Variants in RANBP3 observed in about 807,000 individuals in gnomAD.
RANBP3 encodes ran-binding protein 3.
RANBP3 carries 14 observed loss-of-function variants against 77.3 expected under a neutral mutation model. That is an observed-to-expected ratio of 0.18 (90% CI 0.12 to 0.28). RANBP3 has a LOEUF of 0.28. Ranked by LOEUF, RANBP3 falls within the 10% of genes least tolerant of loss-of-function variation. The probability of loss-of-function intolerance (pLI) is 1.00; values close to 1 mark genes in which losing one functional copy is unlikely to be tolerated. For missense variants in RANBP3, 586 were observed against 752.3 expected, an observed-to-expected ratio of 0.78 and a Z score of 2.59; for synonymous variants, 315 against 312.4, an observed-to-expected ratio of 1.01 and a Z score of -0.09.
rs1466838325 is a variant in RANBP3 at position 5,917,501 on chromosome 19, T to G, written c.*109A>C. On this transcript the variant is annotated 3_prime_UTR_variant, in exon 17 of 17. Transcript: ENST00000340578. Reference sequence around the variant, plus strand: ...CCAGACTGTGGCCGGCCCAGTGGGGTGTGTGGTTCCCGGCCCCGCACCTGG... The same window carrying G: ...CCAGACTGTGGCCGGCCCAGTGGGGGGTGTGGTTCCCGGCCCCGCACCTGG... 1.6e-6 allele frequency: 2 copies of G among 1,253,876 alleles called. No individual in the cohort carries two copies. Among genetic ancestry groups the G allele is most frequent in the African/African-American group, 1.5e-5 (1 of 64,732 alleles). 77.7% of individuals were successfully genotyped at this position (1,253,876 alleles called of 1,614,324 possible).
At chr19:5,937,776 G>A (rs2058085438) in intron 5 of RANBP3, among the ~76,000 whole-genome samples, 2 of 152,180 alleles carry the variant, frequency 1.3e-5, no homozygotes, top group African/African-American at 2.4e-5. Context: ...CCCTGCTCGA[G>A]GCTGGAGGGG....
chr19:5,954,635 CG>C (rs2058314315), intron 2 of RANBP3, among the ~76,000 whole-genome samples: 1 of 151,802 alleles, frequency 6.6e-6, no homozygotes, highest in East Asian at 1.9e-4. Context: ...AAGGGTGGGG[CG>C]GGGGGAACCT....
At chr19:5,918,143 G>C (rs1446155122) in intron 15 of RANBP3, among the ~76,000 whole-genome samples, 163 bp from the exon 16 acceptor site, 1 of 152,218 alleles carries the variant, frequency 6.6e-6, no homozygotes, top group Admixed American at 6.5e-5. Flanking sequence ...CCGAAAGGAT[G>C]CCACCACTCC....
chr19:5,925,602 G>A (rs2057895027), intron 10 of RANBP3, 32 bp downstream of exon 10: 2 of 1,593,250 alleles, frequency 1.3e-6, no homozygotes, highest in South Asian at 2.2e-5. Flanking sequence ...GCATCGCCAT[G>A]CCAGGCTGGC....
intron 9 of RANBP3, 133 bp downstream of exon 9, chr19:5,927,835 T>C (rs1012447475): frequency 5.9e-6 from 7 of 1,192,294 alleles, no homozygotes; most frequent in African/African-American, 4.7e-5. Flanking sequence ...CCGTGAGCCA[T>C]GGGGCTGCCT....
intron 5 of RANBP3, chr19:5,935,978 C>A: frequency 3.1e-6 from 1 of 325,094 alleles, no homozygotes. Context: ...GGAAGAGGAC[C>A]CCTCCCGCCG....
chr19:5,940,490 T>A (rs1043403912), intron 5 of RANBP3, among the ~76,000 whole-genome samples: 2 of 152,156 alleles, frequency 1.3e-5, no homozygotes, highest in East Asian at 3.8e-4. Context: ...CTGGAAAACC[T>A]AATGCAGCTG....
At chr19:5,926,898 G>T (rs1231260235) in intron 9 of RANBP3, among the ~76,000 whole-genome samples, 1 of 152,188 alleles carries the variant, frequency 6.6e-6, no homozygotes, top group Non-Finnish European at 1.5e-5. Context: ...ACACAAGCCG[G>T]TGCTTTCTGC....
At chr19:5,948,366 G>C (rs1362777748) in intron 3 of RANBP3, among the ~76,000 whole-genome samples, 1 of 151,950 alleles carries the variant, frequency 6.6e-6, no homozygotes, top group Non-Finnish European at 1.5e-5. Context: ...GCAGGAGAAC[G>C]GCGTGAACCC....
intron 6 of RANBP3, chr19:5,932,753 A>G: frequency 1.7e-6 from 1 of 571,800 alleles, no homozygotes; most frequent in South Asian, 2.1e-5. Context: ...TGAAACTCCC[A>G]GTGACCGACG....
rs188045006 is a variant in RANBP3 at position 5,918,573 on chromosome 19, C to T, written c.1396G>A (p.Asp466Asn). The change falls in exon 15 of 17, where the codon GAC (aspartate) becomes AAC (asparagine). Residue 466 changes from aspartate (D) to asparagine (N), a missense_variant. Asp to Asn is a conservative substitution (Grantham distance 23, BLOSUM62 1). This residue lies in a region of RANBP3 where 128 missense variants were observed against 157.0 expected (regional missense o/e 0.82). Coordinates refer to ENST00000340578, the MANE Select transcript of RANBP3 (RefSeq NM_007322.3). ...NTKLWAQMQI[D>N]KASEKSIRIT... ...CGAATGCTCTTCTCGCTGGCCTTGT[C>T]GATCTGCATCTGGGCCCACAGCTTG... The T allele has an allele frequency of 1.3e-5, 21 of 1,613,802 alleles. No individual in the cohort carries two copies. The Admixed American group carries it at 2.2e-4, about 17-fold the overall frequency.
chr19:5,964,317 C>G (rs953238282), intron 1 of RANBP3, among the ~76,000 whole-genome samples: 2 of 152,180 alleles, frequency 1.3e-5, no homozygotes, highest in African/African-American at 2.4e-5. Context: ...GGCCTGCCCC[C>G]CCACCTCCAC....
chr19:5,918,483 G>C lies in RANBP3; in HGVS notation c.1473+13C>G, dbSNP rs767356378. 15 of 1,600,574 alleles carry C rather than the reference G, an allele frequency of 9.4e-6. No individual in the cohort carries two copies. Among genetic ancestry groups the C allele is most frequent in the Non-Finnish European group, 1.3e-5 (15 of 1,174,202 alleles). On this transcript the variant is annotated intron_variant, in intron 15 of 16. Transcript: ENST00000340578. ...GATGAGGGGTCCCAGATGCACCCGC[G>C]TGGCTGGCTCACCGAGATCAGGAAG...
Position 5,959,043 on chromosome 19 carries a change from G to A in RANBP3, c.23-1070C>T, listed in dbSNP as rs1034173343. Among the ~76,000 whole-genome samples the A allele has an allele frequency of 1.1e-4, 17 of 152,202 alleles. No homozygotes were observed. Among genetic ancestry groups the A allele is most frequent in the Non-Finnish European group, 2.2e-4 (15 of 68,028 alleles). ...TGATCACGACGAAGGCACTCTGCTT[G>A]GGCATTGACCTGGTCTGCTCTGGAG... is the stretch of plus-strand genomic sequence containing the variant. On this transcript the variant is annotated intron_variant, in intron 1 of 16. Coordinates refer to ENST00000340578, the MANE Select transcript of RANBP3 (RefSeq NM_007322.3). This position sits in a 1 kb window ranked among gnomAD's most constrained non-coding sequence, Gnocchi z 5.1.
chr19:5,974,210 C>T (rs1324819191), intron 1 of RANBP3: 1 of 152,394 alleles, frequency 6.6e-6, no homozygotes, highest in East Asian at 1.9e-4. Flanking sequence ...ATCAAAACGT[C>T]AACTGCACCA....
At chr19:5,977,912 G>T (rs2058616642) in intron 1 of RANBP3, 149 bp downstream of exon 1, 15 of 1,010,524 alleles carry the variant, frequency 1.5e-5, no homozygotes, top group Non-Finnish European at 1.9e-5. Flanking sequence ...GGACGCAATA[G>T]GGGGCGGCTG....
chr19:5,926,116 T>C (rs1431379760), intron 9 of RANBP3, among the ~76,000 whole-genome samples: 6 of 152,154 alleles, frequency 3.9e-5, no homozygotes, highest in Admixed American at 2.6e-4. Context: ...GCAGAATTTC[T>C]TGAGGGCCTC....
intron 3 of RANBP3, among the ~76,000 whole-genome samples, chr19:5,942,235 C>G (rs886218236): frequency 4.6e-5 from 7 of 152,198 alleles, no homozygotes; most frequent in Admixed American, 4.6e-4. Flanking sequence ...GTAAAATGGT[C>G]ACATCACACC....
Position 5,942,110 on chromosome 19 carries a change from C to T in RANBP3, c.283-275G>A, listed in dbSNP as rs141015634. Among the ~76,000 whole-genome samples the T allele has an allele frequency of 6.3e-4, 96 of 152,306 alleles. 1 individual carries two copies. Among genetic ancestry groups the T allele is most frequent in the African/African-American group, 2.1e-3 (89 of 41,578 alleles). ...CAGTTTCTTGTTTCTCCACAGGTTA[C>T]GCTAACTGGCCTGCCACCCCTAAAC... is the stretch of plus-strand genomic sequence containing the variant. On this transcript the variant is annotated intron_variant, in intron 3 of 16. Coordinates refer to ENST00000340578, the MANE Select transcript of RANBP3 (RefSeq NM_007322.3).
Sources: gnomAD v4.1 joint callset for allele counts (sites outside exome capture counted in the v4.1 genomes callset) on GRCh38, gnomAD v4.1.1 for gene constraint, gnomAD v4.1.1 regional missense constraint, Gnocchi (gnomAD v3.1) non-coding constraint, MANE v1.5 for transcripts, NCBI Gene and HGNC (gene_info 2026-07-23, HGNC 2026-07-21) for gene names.